The following PLOD1 variants were observed in gnomAD, a reference collection of about 807,000 sequenced individuals.
PLOD1 encodes the protein procollagen-lysine,2-oxoglutarate 5-dioxygenase 1.
A neutral mutation model predicts 94.7 loss-of-function variants in PLOD1; 70 were observed. The observed-to-expected ratio is 0.74, with a 90% confidence interval of 0.61 to 0.90. The LOEUF is 0.90. PLOD1 is among the 40% of genes least tolerant of loss of function. PLOD1 has a pLI of 0.00. For missense variants in PLOD1, 905 were observed against 972.7 expected (o/e 0.93, Z 0.93); for synonymous variants, 417 against 400.2 (o/e 1.04, Z -0.50).
At chr1:11,973,962 G>C (rs1645884518) in intron 18 of PLOD1, among the ~76,000 whole-genome samples, 1 of 152,192 alleles carries the variant, frequency 6.6e-6, no homozygotes, top group East Asian at 1.9e-4. Context: ...GTAGAAGTCA[G>C]AGATGCCCGG....
Position 11,949,847 on chromosome 1 carries a change from G to A in PLOD1, c.243G>A (p.Leu81=), listed in dbSNP as rs371574381. 3.1e-5 allele frequency: 50 copies of A among 1,614,190 alleles called. 1 individual carries two copies. The highest frequency in any genetic ancestry group is 1.6e-4 in the East Asian group (7 of 44,888). Residue 81 remains leucine (L), a synonymous_variant, in exon 3 of 19, where the codon CTG becomes CTA. Coordinates refer to ENST00000196061, the MANE Select transcript of PLOD1 (RefSeq NM_000302.4). ...SAGGGQKVRL[L]KKALEKHADK... ...GTGGAGGGCAGAAGGTCCGGCTGCTGAAGAAAGCTCTGGAGAAGCACGCAG... is the reference window on the plus strand; with the variant it reads ...GTGGAGGGCAGAAGGTCCGGCTGCTAAAGAAAGCTCTGGAGAAGCACGCAG...
chr1:11,966,607 C>T (rs1442845305), intron 15 of PLOD1, among the ~76,000 whole-genome samples: 1 of 152,024 alleles, frequency 6.6e-6, no homozygotes, highest in South Asian at 2.1e-4. Context: ...GCCTCTCTAC[C>T]TGGCCCAGGC....
intron 15 of PLOD1, 152 bp from the exon 16 acceptor site, chr1:11,966,835 C>G: frequency 1.5e-6 from 1 of 672,498 alleles, no homozygotes; most frequent in Non-Finnish European, 2.7e-6. Flanking sequence ...GCTCTGCCTC[C>G]TCCTCCCCAC....
chr1:11,955,856 C>T (rs934447811), intron 6 of PLOD1, among the ~76,000 whole-genome samples: 1 of 151,898 alleles, frequency 6.6e-6, no homozygotes, highest in Non-Finnish European at 1.5e-5. Flanking sequence ...GAACTCCTGA[C>T]CTCAGGTGAT....
chr1:11,961,733 C>T (rs141602332), intron 10 of PLOD1, among the ~76,000 whole-genome samples: 1 of 152,150 alleles, frequency 6.6e-6, no homozygotes, highest in Non-Finnish European at 1.5e-5. Context: ...CCTCAGCCCC[C>T]CAAGAAGCTG....
In PLOD1 at chr1:11,957,829, G is replaced by A. The variant is rs748075257; in HGVS notation, c.742-13G>A. The A allele has an allele frequency of 3.7e-6, 6 of 1,603,184 alleles. No individual in the cohort carries two copies. Among genetic ancestry groups the A allele is most frequent in the East Asian group, 4.5e-5 (2 of 44,820 alleles). ...CTGGCTGGCTTCTCTGTGACCCCAC[G>A]TCTCCCCGACAGCTGCAGTTGAACT... is the stretch of plus-strand genomic sequence containing the variant. On this transcript the variant is annotated splice_polypyrimidine_tract_variant and intron_variant, in intron 7 of 18. Coordinates refer to ENST00000196061, the MANE Select transcript of PLOD1 (RefSeq NM_000302.4). This position sits in a 1 kb window ranked among gnomAD's most constrained non-coding sequence, Gnocchi z 4.1.
At chr1:11,960,826 G>A in intron 10 of PLOD1, 59 bp downstream of exon 10, 1 of 1,606,328 alleles carries the variant, frequency 6.2e-7, no homozygotes, top group South Asian at 1.1e-5. Flanking sequence ...CTGTGGCTGT[G>A]GTAAGGAGCA....
chr1:11,950,313 GCTCA>G (rs1557486998), intron 3 of PLOD1, 40 bp from the exon 4 acceptor site: 2 of 1,604,224 alleles, frequency 1.2e-6, no homozygotes, highest in East Asian at 4.5e-5. Context: ...CTGGGCCCCT[GCTCA>G]CCCTTGCCCT....
At position 11,949,840 on chromosome 1, in the gene PLOD1, G is replaced by A. The variant is rs868767291; in HGVS notation, c.236G>A (p.Arg79Gln). Residue 79 changes from arginine (R) to glutamine (Q), a missense_variant, in exon 3 of 19, where the codon CGG (arginine) becomes CAG (glutamine). By Grantham distance (43) the Arg-to-Gln change is conservative. Transcript: ENST00000196061. ...TCGGCAGGTGGAGGGCAGAAGGTCCGGCTGCTGAAGAAAGCTCTGGAGAAG... is the reference window on the plus strand; with the variant it reads ...TCGGCAGGTGGAGGGCAGAAGGTCCAGCTGCTGAAGAAAGCTCTGGAGAAG... ...GTSAGGGQKV[R>Q]LLKKALEKHA... 1.9e-6 allele frequency: 3 copies of A among 1,614,012 alleles called. No homozygotes were observed. Among genetic ancestry groups the A allele is most frequent in the Non-Finnish European group, 2.5e-6 (3 of 1,179,890 alleles).
At chr1:11,966,955 G>A (rs774664324) in intron 15 of PLOD1, 32 bp from the exon 16 acceptor site, 1 of 1,310,958 alleles carries the variant, frequency 7.6e-7, no homozygotes. Flanking sequence ...TGCCACTGTG[G>A]ACCCCCTTGA....
chr1:11,960,901 GC>G (rs1373870581), intron 10 of PLOD1, 134 bp downstream of exon 10: 2 of 1,351,060 alleles, frequency 1.5e-6, no homozygotes, highest in East Asian at 4.9e-5. Context: ...CCCTTTCTGG[GC>G]CTTGGAGTTT....
At chr1:11,968,444 G>A (rs534750324) in intron 16 of PLOD1, among the ~76,000 whole-genome samples, 94 of 151,684 alleles carry the variant, frequency 6.2e-4, no homozygotes, top group Admixed American at 1.8e-3. Context: ...GGAATTTTTC[G>A]TCTCCTGACA....
At chr1:11,966,412 A>T in intron 15 of PLOD1, 96 bp downstream of exon 15, 4 of 496,104 alleles carry the variant, frequency 8.1e-6, no homozygotes, top group Non-Finnish European at 1.5e-5. Flanking sequence ...GGGGGACAGC[A>T]GGATGGGAGT....
chr1:11,936,153 A>C (rs1645576936), intron 1 of PLOD1, among the ~76,000 whole-genome samples: 1 of 151,974 alleles, frequency 6.6e-6, no homozygotes, highest in Non-Finnish European at 1.5e-5. Context: ...TACTTGAGGA[A>C]ACTGAGGCCC....
chr1:11,950,461 G>A lies in PLOD1; in HGVS notation c.407G>A (p.Arg136His), dbSNP rs148510973. Residue 136 changes from arginine (R) to histidine (H), a missense_variant, in exon 4 of 19, where the codon CGC becomes CAC. Transcript: ENST00000196061. ...FSAEELIYPD[R>H]RLETKYPVVS... ...GCTGAGGAGCTCATCTACCCAGACC[G>A]CAGGCTGGAGACCAAGTATCCGGTG... The A allele has an allele frequency of 2.3e-5, 37 of 1,613,974 alleles. No homozygotes were observed. The highest frequency in any genetic ancestry group is 2.8e-5 in the Non-Finnish European group (33 of 1,179,934).
rs1569747258 is a variant in PLOD1 at position 11,975,251 on chromosome 1, T to A, written c.*443T>A. The A allele has an allele frequency of 3.6e-6, 1 of 276,148 alleles. No homozygotes were observed. The highest frequency in any genetic ancestry group is 7.1e-6 in the Non-Finnish European group (1 of 140,346). The allele number at this position is 276,148 out of a possible 1,614,324, so 17.1% of individuals were successfully genotyped here. On this transcript the variant is annotated 3_prime_UTR_variant, in exon 19 of 19. Coordinates refer to ENST00000196061, the MANE Select transcript of PLOD1 (RefSeq NM_000302.4). ...GCACCAGGGACTTCTGCTTCAAGTT[T>A]TGGGGTAAAGACACCTGGATCAGAC...
chr1:11,963,770 TCTC>T lies in PLOD1; in HGVS notation c.1202+141_1202+143del, dbSNP rs1020789698. The T allele has an allele frequency of 3.9e-5, 27 of 693,576 alleles. No individual in the cohort carries two copies. The highest frequency in any genetic ancestry group is 3.8e-4 in the East Asian group (14 of 36,606). 43.0% of individuals were successfully genotyped at this position (693,576 alleles called of 1,614,324 possible). On this transcript the variant is annotated intron_variant, in intron 11 of 18. Coordinates refer to ENST00000196061, the MANE Select transcript of PLOD1 (RefSeq NM_000302.4). The surrounding 1 kb of genome is among the most constrained non-coding windows in gnomAD (Gnocchi z 4.3). ...TCTTTTTCCTTCTCCTGCTCCTCTT[TCTC>T]CTCCTCGTCTTCCTCCTTGTCTTCC...
Position 11,948,102 on chromosome 1 carries a change from G to C in PLOD1, c.168+35G>C, listed in dbSNP as rs199748181. 49 of 1,401,920 alleles carry C rather than the reference G, an allele frequency of 3.5e-5. 1 individual carries two copies. The highest frequency in any genetic ancestry group is 1.6e-4 in the East Asian group (7 of 43,942). 86.8% of individuals were successfully genotyped at this position (1,401,920 alleles called of 1,614,324 possible). On this transcript the variant is annotated intron_variant, in intron 2 of 18. Coordinates refer to ENST00000196061, the MANE Select transcript of PLOD1 (RefSeq NM_000302.4). ...TTCCTGGGTGAGGCAGAGACAGTGA[G>C]GGGTGGCAGGAGGATCTAGGAGCTA...
intron 16 of PLOD1, among the ~76,000 whole-genome samples, chr1:11,967,597 G>GCATATATATATATATATATATATATATA (rs1553136679): frequency 1.7e-5 from 1 of 59,780 alleles, no homozygotes; most frequent in African/African-American, 6.7e-5. Flanking sequence ...GTGTGTGTGT[G>GCATATATATATATATATATATATATATA]TATATATATA....
Sources: allele counts gnomAD v4.1 joint callset (sites outside exome capture counted in the v4.1 genomes callset), GRCh38; gene constraint gnomAD v4.1.1; non-coding constraint Gnocchi (gnomAD v3.1); transcripts MANE v1.5; gene names NCBI Gene and HGNC (gene_info 2026-07-23, HGNC 2026-07-21).